Variants in ACO2 observed in about 807,000 individuals in gnomAD.
ACO2 encodes aconitate hydratase, mitochondrial.
In ACO2, 31 loss-of-function variants were observed where a neutral mutation model predicts 84.5. That is an observed-to-expected ratio of 0.37 (90% CI 0.28 to 0.50). The LOEUF (loss-of-function observed/expected upper bound fraction) is 0.50. Among genes scored for constraint, ACO2 ranks in the 20% least tolerant of loss-of-function variants. ACO2 has a pLI of 0.97. For missense variants in ACO2, 685 were observed against 1,029.3 expected (o/e 0.67, Z 4.58); for synonymous variants, 414 against 412.7 (o/e 1.00, Z -0.04).
intron 1 of ACO2, among the ~76,000 whole-genome samples, chr22:41,473,115 C>T (rs1352348809): frequency 1.3e-5 from 2 of 152,188 alleles, no homozygotes; most frequent in Non-Finnish European, 2.9e-5. Flanking sequence ...GGTAAATAAG[C>T]TTCCATCTTA....
At chr22:41,478,764 CTTTTTTT>C (rs761466511) in intron 1 of ACO2, among the ~76,000 whole-genome samples, 2 of 125,894 alleles carry the variant, frequency 1.6e-5, no homozygotes, top group East Asian at 2.2e-4. Flanking sequence ...CACATATCTT[CTTTTTTT>C]TTTTTTTTTT....
intron 11 of ACO2, 99 bp downstream of exon 11, chr22:41,523,377 A>T: frequency 9.7e-6 from 9 of 923,174 alleles, no homozygotes; most frequent in Middle Eastern, 2.2e-4. Flanking sequence ...AAGAGACTCC[A>T]GCCAAGGTCT....
At chr22:41,478,646 T>A (rs1034662982) in intron 1 of ACO2, among the ~76,000 whole-genome samples, 1 of 152,116 alleles carries the variant, frequency 6.6e-6, no homozygotes, top group Non-Finnish European at 1.5e-5. Flanking sequence ...GCTTTCCCCC[T>A]GGAGAGATTG....
chr22:41,494,879 G>A (rs1308192749), intron 1 of ACO2, among the ~76,000 whole-genome samples: 2 of 151,728 alleles, frequency 1.3e-5, no homozygotes, highest in Non-Finnish European at 2.9e-5. Context: ...GATTACAGGC[G>A]TCTGCCACCA....
intron 2 of ACO2, among the ~76,000 whole-genome samples, chr22:41,503,651 C>T (rs1021456082): frequency 5.3e-5 from 8 of 152,198 alleles, no homozygotes; most frequent in Admixed American, 3.3e-4. Flanking sequence ...TCATTGTTGC[C>T]ACAGAGCAGG....
chr22:41,517,854 T>C (rs2066487821), intron 7 of ACO2, among the ~76,000 whole-genome samples: 1 of 152,214 alleles, frequency 6.6e-6, no homozygotes, highest in Non-Finnish European at 1.5e-5. Flanking sequence ...GAGTTCAAGA[T>C]AGCCCCACCT....
At chr22:41,490,168 C>G (rs981475105) in intron 1 of ACO2, among the ~76,000 whole-genome samples, 2 of 152,016 alleles carry the variant, frequency 1.3e-5, no homozygotes, top group African/African-American at 4.8e-5. Flanking sequence ...ACTAAAAATA[C>G]AAAAATTAGC....
rs1271201259 is a variant in ACO2 at position 41,515,045 on chromosome 22, C to G, written c.526-332C>G. Among the ~76,000 whole-genome samples, 1 of 152,224 alleles carries G rather than the reference C, an allele frequency of 6.6e-6. No homozygotes were observed. Among genetic ancestry groups the G allele is most frequent in the South Asian group, 2.1e-4 (1 of 4,832 alleles). ...GCCTGGGCCCATCACAGGACAGTTT[C>G]TCTGGTTCTTGTCACATCCTGGGGT... is the stretch of plus-strand genomic sequence containing the variant. On this transcript the variant is annotated intron_variant, in intron 4 of 17. Transcript: ENST00000216254. This position sits in a 1 kb window ranked among gnomAD's most constrained non-coding sequence, Gnocchi z 5.8.
rs1198608276 is a variant in ACO2, at chr22:41,517,682, C to T, written c.940+51C>T. ...TGGGTGGAACAGTCACATGCCCGCT[C>T]CTCCCCAAGACAGAGCTATGCCTTT... On this transcript the variant is annotated intron_variant, in intron 7 of 17. Transcript: ENST00000216254. 5 of 1,494,834 alleles carry T rather than the reference C, an allele frequency of 3.3e-6. No homozygotes were observed. The Admixed American group carries it at 8.4e-5, about 25-fold the overall frequency. The allele number at this position is 1,494,834 out of a possible 1,614,324, so 92.6% of individuals were successfully genotyped here. A position where few individuals can be genotyped will look rare whatever the true frequency, so the allele number is the denominator to read the frequency against.
chr22:41,527,865 C>T (rs747926321), intron 16 of ACO2, 36 bp from the exon 17 acceptor site: 2 of 1,614,016 alleles, frequency 1.2e-6, no homozygotes, highest in East Asian at 4.5e-5. Flanking sequence ...CCAGGCTAGT[C>T]AGGCCCCCGA....
intron 1 of ACO2, among the ~76,000 whole-genome samples, chr22:41,499,388 G>A (rs2066337805): frequency 6.6e-6 from 1 of 152,098 alleles, no homozygotes; most frequent in South Asian, 2.1e-4. Context: ...CCAGTACCCC[G>A]TGTGATCACC....
chr22:41,516,981 C>T (rs1229604556), intron 6 of ACO2, among the ~76,000 whole-genome samples: 1 of 152,052 alleles, frequency 6.6e-6, no homozygotes, highest in Non-Finnish European at 1.5e-5. Flanking sequence ...CCACCCACCT[C>T]GGCCTCCATC....
At chr22:41,477,811 A>G (rs1874541945) in intron 1 of ACO2, among the ~76,000 whole-genome samples, 1 of 151,990 alleles carries the variant, frequency 6.6e-6, no homozygotes, top group Non-Finnish European at 1.5e-5. Context: ...TCACGCCTGT[A>G]ATCCCAGCAC....
chr22:41,515,856 A>G lies in ACO2; in HGVS notation c.774A>G (p.Lys258=). The part of the protein sequence containing the change: ...ILKVAGILTV[K]GGTGAIVEYH... ...AGGTGGCAGGCATCCTCACGGTGAA[A>G]GGTGGCACAGGTGCAATCGTGGAAT... The change falls in exon 6 of 18, where the codon AAA becomes AAG. Residue 258 remains lysine (K), a synonymous_variant. Coordinates refer to ENST00000216254, the MANE Select transcript of ACO2 (RefSeq NM_001098.3). The surrounding 1 kb of genome is among the most constrained non-coding windows in gnomAD (Gnocchi z 5.8). The G allele has an allele frequency of 6.2e-7, 1 of 1,614,198 alleles. No individual in the cohort carries two copies. Among genetic ancestry groups the G allele is most frequent in the Non-Finnish European group, 8.5e-7 (1 of 1,180,046 alleles).
intron 15 of ACO2, 47 bp from the exon 16 acceptor site, chr22:41,527,241 A>G: frequency 6.2e-7 from 1 of 1,612,792 alleles, no homozygotes; most frequent in East Asian, 2.2e-5. Context: ...ACAGGTGAGG[A>G]CGGTGCCCTC....
intron 2 of ACO2, among the ~76,000 whole-genome samples, chr22:41,504,248 G>T (rs905599594): frequency 1.8e-4 from 27 of 152,102 alleles, no homozygotes; most frequent in African/African-American, 6.5e-4. Context: ...AAAATAAAGC[G>T]TTCTATTCTA....
chr22:41,490,497 A>G (rs1349800320), intron 1 of ACO2, among the ~76,000 whole-genome samples: 6 of 152,224 alleles, frequency 3.9e-5, no homozygotes, highest in African/African-American at 7.2e-5. Context: ...AATTTATTCA[A>G]TCAGTGCCCT....
chr22:41,486,301 C>CT (rs953712981), intron 1 of ACO2, among the ~76,000 whole-genome samples: 66 of 148,748 alleles, frequency 4.4e-4, no homozygotes, highest in East Asian at 2.4e-3. Context: ...TCAACCTCTT[C>CT]TTTTTTTTTT....
chr22:41,518,459 C>T (rs2066493223), intron 7 of ACO2, 22 bp from the exon 8 acceptor site: 16 of 1,588,064 alleles, frequency 1.0e-5, no homozygotes, highest in Non-Finnish European at 1.4e-5. Context: ...CGTGCTCCAT[C>T]CCCGTCCCTT....
Sources: allele counts gnomAD v4.1 joint callset (sites outside exome capture counted in the v4.1 genomes callset), GRCh38; gene constraint gnomAD v4.1.1; non-coding constraint Gnocchi (gnomAD v3.1); transcripts MANE v1.5; gene names NCBI Gene and HGNC (gene_info 2026-07-23, HGNC 2026-07-21).